Variants in MYH7 observed in about 807,000 individuals in gnomAD.
The protein encoded by MYH7 is myosin heavy chain 7.
A neutral mutation model predicts 225.4 loss-of-function variants in MYH7; 129 were observed. The observed-to-expected ratio is 0.57, with a 90% CI of 0.50 to 0.66. MYH7 has a LOEUF of 0.66. MYH7 is among the 30% of genes least tolerant of loss of function. The probability of loss-of-function intolerance (pLI) is 0.00; values close to 1 mark genes in which losing one functional copy is unlikely to be tolerated. For missense variants in MYH7, 1,649 were observed against 2,517.0 expected, an observed-to-expected ratio of 0.66 and a Z score of 7.38; for synonymous variants, 971 against 1,007.6, an observed-to-expected ratio of 0.96 and a Z score of 0.69.
Position 23,425,553 on chromosome 14 carries a change from A to G in MYH7, c.2287-135T>C, listed in dbSNP as rs1892660717. ...GTCAATGGCAGCTGGAGCTGGGATG[A>G]GGGGAGTGGTGCTAGATGTTCCACT... On this transcript the variant is annotated intron_variant, in intron 20 of 39. Coordinates refer to ENST00000355349, the MANE Select transcript of MYH7 (RefSeq NM_000257.4). The surrounding 1 kb of genome is among the most constrained non-coding windows in gnomAD (Gnocchi z 4.6). The G allele has an allele frequency of 6.4e-7, 1 of 1,574,518 alleles. No homozygotes were observed. Among genetic ancestry groups the G allele is most frequent in the Admixed American group, 1.7e-5 (1 of 57,678 alleles).
chr14:23,420,886 C>T, intron 26 of MYH7, 72 bp downstream of exon 26: 1 of 1,158,856 alleles, frequency 8.6e-7, no homozygotes, highest in Admixed American at 1.7e-5. Flanking sequence ...AACAGGACAC[C>T]CTAGAGGAGG....
rs1595073523 is a variant in MYH7 at position 23,416,201 on chromosome 14, C to T, written c.4756G>A (p.Ala1586Thr). ...LAEKDEEMEQ[A>T]KRNHLRVVDS... ...ACCACCCGCAGGTGGTTGCGCTTGG[C>T]CTGTTCCATCTCCTCGTCCTTCTCT... Residue 1586 changes from alanine (A) to threonine (T), a missense_variant, in exon 34 of 40, where the codon GCC becomes ACC. This residue lies in a region of MYH7 where 687 missense variants were observed against 913.8 expected (regional missense o/e 0.75). Transcript: ENST00000355349. The T allele has an allele frequency of 6.2e-7, 1 of 1,614,156 alleles. No individual in the cohort carries two copies. Among genetic ancestry groups the T allele is most frequent in the Non-Finnish European group, 8.5e-7 (1 of 1,180,036 alleles).
intron 26 of MYH7, 25 bp downstream of exon 26, chr14:23,420,933 T>C: frequency 3.8e-6 from 6 of 1,597,606 alleles, no homozygotes; most frequent in Non-Finnish European, 5.1e-6. Context: ...GGACTCAGCA[T>C]CCCGCGTGGG....
chr14:23,430,583 C>T lies in MYH7; in HGVS notation c.976G>A (p.Ala326Thr), dbSNP rs372731424. 13 of 1,613,830 alleles carry T rather than the reference C, an allele frequency of 8.1e-6. No homozygotes were observed. Among genetic ancestry groups the T allele is most frequent in the African/African-American group, 5.3e-5 (4 of 74,916 alleles). Residue 326 changes from alanine (A) to threonine (T), a missense_variant, in exon 11 of 40, where the codon GCT becomes ACT. This residue lies in a region of MYH7 where 131 missense variants were observed against 231.3 expected (regional missense o/e 0.57). Transcript: ENST00000355349. ...GETTVASIDD[A>T]EELMATDNAF... ...ACATCAGTGGCCATGAGCTCCTCAGCGTCATCAATGGAGGCCACGGTGGTC... is the reference window on the plus strand; with the variant it reads ...ACATCAGTGGCCATGAGCTCCTCAGTGTCATCAATGGAGGCCACGGTGGTC...
chr14:23,413,910 C>T lies in MYH7; in HGVS notation c.5656-17G>A. The T allele has an allele frequency of 6.2e-7, 1 of 1,614,212 alleles. No homozygotes were observed. On this transcript the variant is annotated splice_polypyrimidine_tract_variant and intron_variant, in intron 38 of 39. Coordinates refer to ENST00000355349, the MANE Select transcript of MYH7 (RefSeq NM_000257.4). The stretch of plus-strand genomic sequence containing the variant: ...TTGCTCCTCCTGCGGGAGGTGGGAG[C>T]ATGAGGTGAGAGGGGGCCTGGGTTC...
intron 39 of MYH7, 100 bp from the exon 40 acceptor site, chr14:23,412,971 C>A: frequency 7.9e-7 from 1 of 1,272,642 alleles, no homozygotes; most frequent in Non-Finnish European, 1.1e-6. Flanking sequence ...TGGTGGGGGG[C>A]CTGCTTTGTG....
chr14:23,434,453 T>C (rs1893069615), intron 1 of MYH7, among the ~76,000 whole-genome samples: 1 of 152,242 alleles, frequency 6.6e-6, no homozygotes, highest in African/African-American at 2.4e-5. Context: ...AACAGCTTCC[T>C]GGTGTCAACT....
chr14:23,421,094 T>C (rs1566528582), intron 25 of MYH7, 46 bp from the exon 26 acceptor site: 1 of 1,419,894 alleles, frequency 7.0e-7, no homozygotes. Flanking sequence ...TCGTGGGGCC[T>C]CAGGAGGGTC....
Position 23,425,101 on chromosome 14 carries a change from C to T in MYH7, c.2424-77G>A. The T allele has an allele frequency of 6.2e-7, 1 of 1,611,494 alleles. No homozygotes were observed. Among genetic ancestry groups the T allele is most frequent in the Non-Finnish European group, 8.5e-7 (1 of 1,178,628 alleles). Reference sequence around the variant, plus strand: ...GAGGTCCTGAAACCTTGGGAATATCCCATTTCCTTCATCCCTCCCACCCTT... The same window carrying T: ...GAGGTCCTGAAACCTTGGGAATATCTCATTTCCTTCATCCCTCCCACCCTT... On this transcript the variant is annotated intron_variant, in intron 21 of 39. Transcript: ENST00000355349. The surrounding 1 kb of genome is among the most constrained non-coding windows in gnomAD (Gnocchi z 4.6).
At chr14:23,418,093 C>G in intron 30 of MYH7, 117 bp downstream of exon 30, 1 of 1,479,824 alleles carries the variant, frequency 6.8e-7, no homozygotes, top group Non-Finnish European at 9.5e-7. Flanking sequence ...GCAGAGTCCT[C>G]CTGTGTTGTC....
chr14:23,424,519 G>A (rs1174160690), intron 22 of MYH7, among the ~76,000 whole-genome samples: 2 of 152,216 alleles, frequency 1.3e-5, no homozygotes, highest in Non-Finnish European at 2.9e-5. Flanking sequence ...GTCTGCCCAA[G>A]GTCACAAAAT....
intron 9 of MYH7, 77 bp from the exon 10 acceptor site, chr14:23,431,076 G>A: frequency 2.8e-6 from 3 of 1,074,158 alleles, no homozygotes; most frequent in Admixed American, 1.7e-5. Context: ...GATAAATGTA[G>A]CAAGCAAAAG....
chr14:23,433,653 T>C lies in MYH7; in HGVS notation c.80A>G (p.Gln27Arg), dbSNP rs878853843. The C allele has an allele frequency of 3.7e-6, 6 of 1,614,258 alleles. No individual in the cohort carries two copies. Among genetic ancestry groups the C allele is most frequent in the Non-Finnish European group, 5.1e-6 (6 of 1,180,044 alleles). ...RKSEKERLEA[Q>R]TRPFDLKKDV... ...CTTCTTGAGGTCAAAAGGCCTGGTC[T>C]GCGCTTCTAGCCGCTCCTTCTCTGA... The change falls in exon 3 of 40, where the codon CAG (glutamine) becomes CGG (arginine). Residue 27 changes from glutamine (Q) to arginine (R), a missense_variant. Gln to Arg is a conservative substitution (Grantham distance 43). Transcript: ENST00000355349. The surrounding 1 kb of genome is among the most constrained non-coding windows in gnomAD (Gnocchi z 4.1).
At position 23,424,185 on chromosome 14, in the gene MYH7, G is replaced by A. The variant is rs537729989; in HGVS notation, c.2680-36C>T. ...GGAACAGAGGGGAGGCTGTTCAGGGGGTAAGGTCCTCATTCTTGCAGGTAG... is the reference window on the plus strand; with the variant it reads ...GGAACAGAGGGGAGGCTGTTCAGGGAGTAAGGTCCTCATTCTTGCAGGTAG... On this transcript the variant is annotated intron_variant, in intron 22 of 39. Coordinates refer to ENST00000355349, the MANE Select transcript of MYH7 (RefSeq NM_000257.4). 1.9e-6 allele frequency: 3 copies of A among 1,613,328 alleles called. No individual in the cohort carries two copies. In the African/African-American group the frequency reaches 4.0e-5, roughly 22 times the overall value.
chr14:23,425,781 G>C lies in MYH7; in HGVS notation c.2200C>G (p.Gln734Glu), dbSNP rs1173617248. ...GCCCCCTTCCTGCTATCAATGAACTGTCCCTCAGGGATGGCCGCTGGGTTC... is the reference window on the plus strand; with the variant it reads ...GCCCCCTTCCTGCTATCAATGAACTCTCCCTCAGGGATGGCCGCTGGGTTC... ...ILNPAAIPEG[Q>E]FIDSRKGAEK... The change falls in exon 20 of 40, where the codon CAG (glutamine) becomes GAG (glutamate). Residue 734 changes from glutamine (Q) to glutamate (E), a missense_variant. By Grantham distance (29) the Gln-to-Glu change is conservative. Transcript: ENST00000355349. The surrounding 1 kb of genome is among the most constrained non-coding windows in gnomAD (Gnocchi z 4.6). The C allele has an allele frequency of 6.2e-7, 1 of 1,613,988 alleles. No individual in the cohort carries two copies. The highest frequency in any genetic ancestry group is 1.1e-5 in the South Asian group (1 of 91,078).
In MYH7 at chr14:23,425,667, C is replaced by T. The variant is rs536543035; in HGVS notation, c.2286+28G>A. 4.5e-5 allele frequency: 73 copies of T among 1,613,914 alleles called. No individual in the cohort carries two copies. The South Asian group carries it at 7.7e-4, about 17-fold the overall frequency. ...GAGTCAATGGAAAAGAGATGTCTTC[C>T]TTTAATTAATTAGTCTCCTTTCCTC... On this transcript the variant is annotated intron_variant, in intron 20 of 39. Coordinates refer to ENST00000355349, the MANE Select transcript of MYH7 (RefSeq NM_000257.4). The surrounding 1 kb of genome is among the most constrained non-coding windows in gnomAD (Gnocchi z 4.6).
In MYH7 at chr14:23,425,348, G is replaced by C; in HGVS notation, c.2357C>G (p.Thr786Arg). The C allele has an allele frequency of 1.2e-6, 2 of 1,614,158 alleles. No individual in the cohort carries two copies. The highest frequency in any genetic ancestry group is 2.2e-5 in the South Asian group (2 of 91,080). ...MRDERLSRII[T>R]RIQAQSRGVL... The stretch of plus-strand genomic sequence containing the variant: ...ACCTCGGGACTGGGCCTGGATACGC[G>C]TGATGATGCGGCTCAGCCTCTCGTC... The change falls in exon 21 of 40, where the codon ACG (threonine) becomes AGG (arginine). Residue 786 changes from threonine (T) to arginine (R), a missense_variant. Around this residue, in one of 12 missense-constraint regions of MYH7, gnomAD observed 36 missense variants for 43.2 expected, o/e 0.83. Transcript: ENST00000355349. This position sits in a 1 kb window ranked among gnomAD's most constrained non-coding sequence, Gnocchi z 4.6.
At chr14:23,432,041 T>C (rs1257034329) in intron 6 of MYH7, among the ~76,000 whole-genome samples, 172 bp from the exon 7 acceptor site, 1 of 152,202 alleles carries the variant, frequency 6.6e-6, no homozygotes, top group Non-Finnish European at 1.5e-5. Context: ...AGGTCAGGGC[T>C]GGCACCAGGA....
Position 23,417,138 on chromosome 14 carries a change from G to A in MYH7, c.4519+15C>T. The A allele has an allele frequency of 1.2e-6, 2 of 1,614,088 alleles. No homozygotes were observed. Among genetic ancestry groups the A allele is most frequent in the South Asian group, 2.2e-5 (2 of 91,074 alleles). ...CAGTGCAGCCCCTCCCCAGCCTCTT[G>A]GGCCCCCAGCACACCCTGCAGGTTT... On this transcript the variant is annotated intron_variant, in intron 32 of 39. Coordinates refer to ENST00000355349, the MANE Select transcript of MYH7 (RefSeq NM_000257.4).
Sources: gnomAD v4.1 joint callset for allele counts (sites outside exome capture counted in the v4.1 genomes callset) on GRCh38, gnomAD v4.1.1 for gene constraint, gnomAD v4.1.1 regional missense constraint, Gnocchi (gnomAD v3.1) non-coding constraint, MANE v1.5 for transcripts, NCBI Gene and HGNC (gene_info 2026-07-23, HGNC 2026-07-21) for gene names.